AGTPBP1: variants seen among roughly 807,000 people sequenced by gnomAD.
The protein encoded by AGTPBP1 is cytosolic carboxypeptidase 1.
A neutral mutation model predicts 143.9 loss-of-function variants in AGTPBP1; 70 were observed. The ratio of observed to expected loss-of-function variants is 0.49; its 90% CI spans 0.40 to 0.59. The LOEUF is 0.59. Among genes scored for constraint, AGTPBP1 ranks in the 20% least tolerant of loss-of-function variants. The pLI is 0.00. For synonymous variants in AGTPBP1, 463 were observed against 500.2 expected (o/e 0.93, Z 0.99); for missense variants, 1,229 against 1,464.5 (o/e 0.84, Z 2.62).
the AGTPBP1 span, among the ~76,000 whole-genome samples, chr9:85,770,085 GTGTGTA>G: frequency 2.7e-5 from 4 of 150,640 alleles, no homozygotes; most frequent in South Asian, 2.1e-4. Context: ...GTGTGTGTGT[GTGTGTA>G]TGTGTATGTA....
chr9:85,770,492 T>C, the AGTPBP1 span: 1 of 1,521,776 alleles, frequency 6.6e-7, no homozygotes, highest in East Asian at 2.3e-5. Context: ...TTCAATAAGG[T>C]TTGTTTTTGA....
intron 23 of AGTPBP1, 38 bp from the exon 24 acceptor site, chr9:85,579,134 A>C (rs1828079652): frequency 6.5e-7 from 1 of 1,545,388 alleles, no homozygotes; most frequent in Non-Finnish European, 8.7e-7. Context: ...AAATAAACCA[A>C]GTTTTTAATT....
At chr9:85,742,076 C>A (rs1161014503), upstream of AGTPBP1, 3 of 1,109,288 alleles carry the variant, frequency 2.7e-6, no homozygotes, top group African/African-American at 1.6e-5. Context: ...CGGGGCGGAG[C>A]GCACGCCCTC....
At chr9:85,623,554 G>C (rs1280951339) in intron 14 of AGTPBP1, among the ~76,000 whole-genome samples, 1 of 151,918 alleles carries the variant, frequency 6.6e-6, no homozygotes, top group Non-Finnish European at 1.5e-5. Flanking sequence ...TCAGGAGTTC[G>C]AGACCAGCCT....
chr9:85,712,618 T>A, intron 1 of AGTPBP1, 52 bp from the exon 2 acceptor site: 1 of 892,700 alleles, frequency 1.1e-6, no homozygotes, highest in Non-Finnish European at 1.6e-6. Flanking sequence ...TTTTTCTATA[T>A]ATTAGATATC....
At chr9:85,662,276 T>C (rs1022572828) in intron 8 of AGTPBP1, among the ~76,000 whole-genome samples, 5 of 152,180 alleles carry the variant, frequency 3.3e-5, no homozygotes, top group Non-Finnish European at 7.4e-5. Flanking sequence ...CTTTTATTTA[T>C]TGACAAAGAT....
At chr9:85,612,567 G>T (rs775079737) in intron 17 of AGTPBP1, among the ~76,000 whole-genome samples, 2 of 152,150 alleles carry the variant, frequency 1.3e-5, no homozygotes, top group Non-Finnish European at 2.9e-5. Flanking sequence ...AGTCCTGTGA[G>T]CTGCCATAGC....
intron 23 of AGTPBP1, among the ~76,000 whole-genome samples, chr9:85,580,455 C>T (rs981249535): frequency 3.3e-5 from 5 of 151,208 alleles, no homozygotes; most frequent in East Asian, 1.9e-4. Flanking sequence ...ACAACCTCTG[C>T]GTCCCGGGTT....
chr9:85,736,903 A>G (rs62570626), intron 1 of AGTPBP1, among the ~76,000 whole-genome samples: 2,257 of 152,326 alleles, frequency 0.015, 25 homozygotes, highest in Middle Eastern at 0.037. Flanking sequence ...TCAGGAAATC[A>G]AGACCATCCT....
chr9:85,697,445 G>GTTTTTTTTTTTTTT (rs758082233), intron 2 of AGTPBP1, among the ~76,000 whole-genome samples: 4 of 65,056 alleles, frequency 6.1e-5, no homozygotes, highest in African/African-American at 1.3e-4. Flanking sequence ...TTTGTTTTTT[G>GTTTTTTTTTTTTTT]TTTTTTTTTT....
chr9:85,789,804 T>C, the AGTPBP1 span, among the ~76,000 whole-genome samples: 1 of 152,154 alleles, frequency 6.6e-6, no homozygotes, highest in Non-Finnish European at 1.5e-5. Flanking sequence ...AAATTCCTTA[T>C]ATAGAAAAAA....
chr9:85,616,542 T>C (rs1830610564), intron 17 of AGTPBP1, among the ~76,000 whole-genome samples: 1 of 151,944 alleles, frequency 6.6e-6, no homozygotes, highest in African/African-American at 2.4e-5. Context: ...GCAATCTACT[T>C]GTAGCACTTC....
chr9:85,575,243 C>T, intron 25 of AGTPBP1, 72 bp downstream of exon 25: 1 of 1,191,960 alleles, frequency 8.4e-7, no homozygotes, highest in Non-Finnish European at 1.1e-6. Context: ...AATTTCCATG[C>T]CTTTTCTGCT....
At chr9:85,750,116 T>C in the AGTPBP1 span, among the ~76,000 whole-genome samples, 2 of 152,112 alleles carry the variant, frequency 1.3e-5, no homozygotes, top group African/African-American at 2.4e-5. Flanking sequence ...TCTCCTGACA[T>C]TGTGATCTAC....
chr9:85,666,213 T>C (rs1006023478), intron 8 of AGTPBP1, among the ~76,000 whole-genome samples: 2 of 152,144 alleles, frequency 1.3e-5, no homozygotes, highest in South Asian at 4.1e-4. Flanking sequence ...TTGCAATGAC[T>C]TCCAAACCTA....
At chr9:85,636,985 C>A (rs1832102081) in intron 13 of AGTPBP1, among the ~76,000 whole-genome samples, 1 of 150,818 alleles carries the variant, frequency 6.6e-6, no homozygotes. Context: ...TACCACCCAG[C>A]AAGTTCACTG....
upstream of AGTPBP1, chr9:85,742,114 T>A: frequency 1.1e-6 from 1 of 890,004 alleles, no homozygotes; most frequent in Non-Finnish European, 1.4e-6. Context: ...GTTACCTCCG[T>A]GCGCGCTGCG....
At chr9:85,774,132 G>A in the AGTPBP1 span, 1 of 850,644 alleles carries the variant, frequency 1.2e-6, no homozygotes, top group Non-Finnish European at 1.9e-6. Context: ...AGCTCAACAT[G>A]TTTAAATAGT....
intron 17 of AGTPBP1, among the ~76,000 whole-genome samples, chr9:85,611,155 C>CTTTTT (rs56023115): frequency 5.1e-4 from 57 of 112,624 alleles, no homozygotes; most frequent in Middle Eastern, 5.7e-3. Context: ...AGGGGCTTTT[C>CTTTTT]TTTTTTTTTT....
Sources: allele counts gnomAD v4.1 joint callset (sites outside exome capture counted in the v4.1 genomes callset), GRCh38; gene constraint gnomAD v4.1.1; transcripts MANE v1.5; gene names NCBI Gene and HGNC (gene_info 2026-07-23, HGNC 2026-07-21).